The following ST6GALNAC3 variants were observed in gnomAD, a reference collection of about 807,000 sequenced individuals.
ST6GALNAC3 encodes alpha-N-acetylgalactosaminide alpha-2,6-sialyltransferase 3.
Under a neutral mutation model 32.7 loss-of-function variants are expected in ST6GALNAC3, and 25 were observed. The ratio of observed to expected loss-of-function variants is 0.76; its 90% confidence interval spans 0.56 to 1.07. ST6GALNAC3 has a LOEUF of 1.07. Among genes scored for constraint, ST6GALNAC3 ranks in the 50% least tolerant of loss-of-function variants. The pLI, the probability that ST6GALNAC3 is intolerant of heterozygous loss-of-function variation, is 0.00. For synonymous variants in ST6GALNAC3, 129 were observed against 133.1 expected (o/e 0.97, Z 0.21); for missense variants, 355 against 382.4 (o/e 0.93, Z 0.60).
At chr1:76,448,865 T>G (rs1362606488) in intron 3 of ST6GALNAC3, among the ~76,000 whole-genome samples, 2 of 152,102 alleles carry the variant, frequency 1.3e-5, no homozygotes, top group African/African-American at 4.8e-5. Flanking sequence ...TTTTATGGAG[T>G]CTCACTCTGT....
chr1:76,573,686 G>A (rs528542590), intron 3 of ST6GALNAC3, among the ~76,000 whole-genome samples: 7 of 150,972 alleles, frequency 4.6e-5, no homozygotes, highest in African/African-American at 1.2e-4. Context: ...TCTCATAGGT[G>A]TAATAACATT....
chr1:76,594,893 G>C (rs1160618173), intron 3 of ST6GALNAC3, among the ~76,000 whole-genome samples: 4 of 152,136 alleles, frequency 2.6e-5, no homozygotes, highest in African/African-American at 9.7e-5. Flanking sequence ...TATAGATAGT[G>C]TTGCACTGTA....
At chr1:76,478,912 G>A (rs976105125) in intron 3 of ST6GALNAC3, among the ~76,000 whole-genome samples, 26 of 151,556 alleles carry the variant, frequency 1.7e-4, no homozygotes, top group Non-Finnish European at 3.1e-4. Flanking sequence ...ACAGGTGCCC[G>A]CCACCACGCC....
chr1:76,395,935 T>C (rs1652922048), intron 2 of ST6GALNAC3, among the ~76,000 whole-genome samples: 1 of 152,104 alleles, frequency 6.6e-6, no homozygotes, highest in Admixed American at 6.5e-5. Flanking sequence ...AAATAAGGTA[T>C]TGTATTTTGC....
rs539790158 is a variant in ST6GALNAC3 at position 76,331,918 on chromosome 1, C to T, written c.213+17919C>T. 5.9e-5 allele frequency among the ~76,000 whole-genome samples: 9 copies of T among 152,240 alleles called. No homozygotes were observed. In the South Asian group the frequency reaches 1.7e-3, roughly 28 times the overall value. ...CTATGTAGAGACCTGCCTAAAATAT[C>T]TCATGAATTTTTCTCCCTCAAGTGT... is the stretch of plus-strand genomic sequence containing the variant. On this transcript the variant is annotated intron_variant, in intron 2 of 4. Coordinates refer to ENST00000328299, the MANE Select transcript of ST6GALNAC3 (RefSeq NM_152996.4).
At chr1:76,171,967 C>A (rs531877296) in intron 1 of ST6GALNAC3, among the ~76,000 whole-genome samples, 3 of 152,214 alleles carry the variant, frequency 2.0e-5, no homozygotes, top group Non-Finnish European at 2.9e-5. Flanking sequence ...AGGAGGGACT[C>A]CTCCCTAACT....
At chr1:76,598,538 A>G (rs1028489574) in intron 3 of ST6GALNAC3, among the ~76,000 whole-genome samples, 9 of 152,232 alleles carry the variant, frequency 5.9e-5, no homozygotes, top group Non-Finnish European at 8.8e-5. Flanking sequence ...GGAAAGAAAT[A>G]TGAATTCTAA....
intron 1 of ST6GALNAC3, among the ~76,000 whole-genome samples, chr1:76,292,810 GAC>G (rs1396948200): frequency 6.6e-6 from 1 of 152,020 alleles, no homozygotes; most frequent in African/African-American, 2.4e-5. Context: ...TTATGCACAG[GAC>G]ACACTAAATG....
intron 2 of ST6GALNAC3, among the ~76,000 whole-genome samples, chr1:76,323,511 G>A (rs779183503): frequency 2.0e-5 from 3 of 152,148 alleles, no homozygotes; most frequent in African/African-American, 7.2e-5. Context: ...TCCTTTAAAT[G>A]GTTTCACAGA....
intron 1 of ST6GALNAC3, among the ~76,000 whole-genome samples, chr1:76,265,802 T>C (rs935909376): frequency 6.6e-6 from 1 of 152,234 alleles, no homozygotes; most frequent in Non-Finnish European, 1.5e-5. Flanking sequence ...TTCATAAATG[T>C]AAGTCTCTGT....
At chr1:76,475,580 T>C (rs1051738166) in intron 3 of ST6GALNAC3, among the ~76,000 whole-genome samples, 5 of 152,198 alleles carry the variant, frequency 3.3e-5, no homozygotes, top group Non-Finnish European at 4.4e-5. Flanking sequence ...AGGATTAAAA[T>C]GTAACAAATG....
intron 1 of ST6GALNAC3, among the ~76,000 whole-genome samples, chr1:76,285,061 C>G (rs926019674): frequency 3.3e-5 from 5 of 152,180 alleles, no homozygotes; most frequent in Admixed American, 3.3e-4. Context: ...TGAGCCCTTC[C>G]TGGAGCTCAG....
At chr1:76,611,633 G>A (rs918084746) in intron 3 of ST6GALNAC3, among the ~76,000 whole-genome samples, 12 of 152,088 alleles carry the variant, frequency 7.9e-5, no homozygotes, top group East Asian at 1.9e-4. Flanking sequence ...ATCCCTCTAC[G>A]TTGCAGGCAT....
At chr1:76,590,774 T>C (rs1355215173) in intron 3 of ST6GALNAC3, among the ~76,000 whole-genome samples, 2 of 152,216 alleles carry the variant, frequency 1.3e-5, no homozygotes, top group African/African-American at 2.4e-5. Flanking sequence ...GTTTCATCCC[T>C]AACTGTGGGA....
At chr1:76,256,472 G>GGT (rs1378356950) in intron 1 of ST6GALNAC3, among the ~76,000 whole-genome samples, 2 of 152,110 alleles carry the variant, frequency 1.3e-5, no homozygotes, top group Non-Finnish European at 2.9e-5. Flanking sequence ...CAACAGGGTA[G>GGT]GTGTATTTTG....
At chr1:76,506,166 T>C (rs1161322671) in intron 3 of ST6GALNAC3, among the ~76,000 whole-genome samples, 1 of 152,186 alleles carries the variant, frequency 6.6e-6, no homozygotes, top group Non-Finnish European at 1.5e-5. Context: ...TGCTGAATCT[T>C]GAGGCCCTTG....
At chr1:76,423,403 G>A (rs531428423) in intron 3 of ST6GALNAC3, among the ~76,000 whole-genome samples, 5 of 152,050 alleles carry the variant, frequency 3.3e-5, no homozygotes, top group Admixed American at 6.6e-5. Flanking sequence ...AAAGCCAAGC[G>A]TTCTTTTTCA....
chr1:76,258,720 TC>T (rs1658060673), intron 1 of ST6GALNAC3, among the ~76,000 whole-genome samples: 1 of 152,166 alleles, frequency 6.6e-6, no homozygotes, highest in Non-Finnish European at 1.5e-5. Context: ...ACTGCAGCCC[TC>T]AAGGGGTTTG....
chr1:76,493,082 C>G (rs111317096), intron 3 of ST6GALNAC3, among the ~76,000 whole-genome samples: 7 of 150,940 alleles, frequency 4.6e-5, no homozygotes, highest in African/African-American at 1.7e-4. Context: ...TCTTATACTT[C>G]ATTTTACTTC....
Sources: gnomAD v4.1 joint callset for allele counts (sites outside exome capture counted in the v4.1 genomes callset) on GRCh38, gnomAD v4.1.1 for gene constraint, MANE v1.5 for transcripts, NCBI Gene and HGNC (gene_info 2026-07-23, HGNC 2026-07-21) for gene names.